Variants in NFIB observed in about 807,000 individuals in gnomAD.
The protein encoded by NFIB is nuclear factor I B.
Under a neutral mutation model 61.5 loss-of-function variants are expected in NFIB, and 11 were observed. The observed-to-expected ratio is 0.18, with a 90% CI of 0.11 to 0.30. NFIB has a LOEUF of 0.30. Ranked by LOEUF, NFIB falls within the 10% of genes least tolerant of loss-of-function variation. NFIB has a pLI of 1.00. For missense variants in NFIB, 471 were observed against 608.9 expected (o/e 0.77, Z 2.38); for synonymous variants, 260 against 216.5 (o/e 1.20, Z -1.76).
chr9:14,469,908 A>G, the NFIB span, among the ~76,000 whole-genome samples: 8 of 152,224 alleles, frequency 5.3e-5, no homozygotes, highest in Admixed American at 3.3e-4. Flanking sequence ...GAAAATTTCA[A>G]GTCCAATTTT....
chr9:14,352,987 G>A (rs551428913), intron 1 of NFIB, among the ~76,000 whole-genome samples: 1 of 152,294 alleles, frequency 6.6e-6, no homozygotes, highest in African/African-American at 2.4e-5. Context: ...TTTGGAATCA[G>A]GAGACTTTGG....
intron 1 of NFIB, among the ~76,000 whole-genome samples, chr9:14,338,984 G>GA (rs1182314551): frequency 1.3e-5 from 2 of 152,038 alleles, no homozygotes; most frequent in Non-Finnish European, 2.9e-5. Context: ...TTGGGGACAG[G>GA]AAAAATCAAA....
chr9:14,207,083 A>G (rs765291896), intron 2 of NFIB, among the ~76,000 whole-genome samples: 13 of 152,200 alleles, frequency 8.5e-5, no homozygotes, highest in Admixed American at 2.6e-4. Context: ...TACTGTTCTC[A>G]ATATTACGGT....
At chr9:14,217,817 C>T (rs997742175) in intron 2 of NFIB, among the ~76,000 whole-genome samples, 1 of 151,990 alleles carries the variant, frequency 6.6e-6, no homozygotes, top group African/African-American at 2.4e-5. Context: ...TTATTTTATA[C>T]TTTGTTTCTT....
the NFIB span, among the ~76,000 whole-genome samples, chr9:14,404,005 TC>T: frequency 6.6e-6 from 1 of 152,248 alleles, no homozygotes; most frequent in African/African-American, 2.4e-5. Context: ...TTTCAGTATA[TC>T]CTTCTGAAAG....
rs1176610198 is a variant in NFIB at position 14,082,005 on chromosome 9, C to T, written c.*6304G>A. 2 of 211,086 alleles carry T rather than the reference C, an allele frequency of 9.5e-6. No homozygotes were observed. The highest frequency in any genetic ancestry group is 1.9e-5 in the Non-Finnish European group (2 of 103,776). The allele number at this position is 211,086 out of a possible 1,614,324, so 13.1% of individuals were successfully genotyped here. A position where few individuals can be genotyped will look rare whatever the true frequency, so the allele number is the denominator to read the frequency against. On this transcript the variant is annotated 3_prime_UTR_variant, in exon 11 of 11. Transcript: ENST00000380953. ...AAGCTTGATTTACACCAGTTTAAAA[C>T]TTGTGGCAATTGAGTTCATTTGCAA...
At chr9:14,143,150 T>A (rs1474553392) in intron 6 of NFIB, among the ~76,000 whole-genome samples, 1 of 151,956 alleles carries the variant, frequency 6.6e-6, no homozygotes, top group Non-Finnish European at 1.5e-5. Context: ...ATTACAATTC[T>A]CTTATAATCA....
At chr9:14,216,360 A>C (rs2050857975) in intron 2 of NFIB, among the ~76,000 whole-genome samples, 1 of 152,154 alleles carries the variant, frequency 6.6e-6, no homozygotes, top group South Asian at 2.1e-4. Context: ...TTTACTGGCC[A>C]CTATTAAGTC....
chr9:14,142,216 G>A (rs917087123), intron 6 of NFIB, among the ~76,000 whole-genome samples: 1 of 152,180 alleles, frequency 6.6e-6, no homozygotes, highest in African/African-American at 2.4e-5. Flanking sequence ...AACCTGGTGG[G>A]AGGAGACTGA....
intron 3 of NFIB, among the ~76,000 whole-genome samples, chr9:14,167,922 T>C (rs1434714706): frequency 6.6e-6 from 1 of 152,198 alleles, no homozygotes; most frequent in Non-Finnish European, 1.5e-5. Flanking sequence ...AGAGAAACTC[T>C]ATCCACCTGA....
At chr9:14,467,751 G>A in the NFIB span, among the ~76,000 whole-genome samples, 1 of 152,114 alleles carries the variant, frequency 6.6e-6, no homozygotes. Flanking sequence ...GATACATTAG[G>A]AAAGAAAACT....
chr9:14,482,802 A>T, the NFIB span, among the ~76,000 whole-genome samples: 17 of 152,198 alleles, frequency 1.1e-4, no homozygotes, highest in Non-Finnish European at 2.1e-4. Flanking sequence ...CTCTCTAATA[A>T]TGCCTCAGTT....
At chr9:14,255,790 T>G (rs1470095985) in intron 2 of NFIB, among the ~76,000 whole-genome samples, 1 of 152,266 alleles carries the variant, frequency 6.6e-6, no homozygotes, top group East Asian at 1.9e-4. Flanking sequence ...AGCACTCAAC[T>G]GACTGTGAGA....
At chr9:14,240,258 CCTCT>C (rs1043697680) in intron 2 of NFIB, among the ~76,000 whole-genome samples, 1 of 151,764 alleles carries the variant, frequency 6.6e-6, no homozygotes, top group East Asian at 1.9e-4. Context: ...TCCCTCTCTC[CCTCT>C]CTCTTTCTCT....
the NFIB span, among the ~76,000 whole-genome samples, chr9:14,496,420 G>C: frequency 6.6e-6 from 1 of 152,164 alleles, no homozygotes; most frequent in South Asian, 2.1e-4. Flanking sequence ...CCATGTTGGT[G>C]CTTGAAAATT....
At chr9:14,160,943 T>G (rs2044126449) in intron 3 of NFIB, among the ~76,000 whole-genome samples, 1 of 151,968 alleles carries the variant, frequency 6.6e-6, no homozygotes, top group African/African-American at 2.4e-5. Flanking sequence ...TTTTCTGGCA[T>G]TGTTCATTTG....
At chr9:14,299,835 A>G (rs1253821855) in intron 2 of NFIB, among the ~76,000 whole-genome samples, 1 of 152,160 alleles carries the variant, frequency 6.6e-6, no homozygotes, top group African/African-American at 2.4e-5. Flanking sequence ...CTGCTTTCCC[A>G]TTTTAGAACA....
At chr9:14,317,727 TG>T (rs1312782276), upstream of NFIB, among the ~76,000 whole-genome samples, 2 of 152,208 alleles carry the variant, frequency 1.3e-5, no homozygotes, top group Admixed American at 1.3e-4. Context: ...AGGCCTTCCC[TG>T]GAAGAACTCT....
intron 2 of NFIB, among the ~76,000 whole-genome samples, chr9:14,187,306 G>C (rs781032231): frequency 6.6e-6 from 1 of 152,014 alleles, no homozygotes; most frequent in Non-Finnish European, 1.5e-5. Flanking sequence ...TGAGCAATAA[G>C]AGAAATTAGA....
Sources: allele counts gnomAD v4.1 joint callset (sites outside exome capture counted in the v4.1 genomes callset), GRCh38; gene constraint gnomAD v4.1.1; transcripts MANE v1.5; gene names NCBI Gene and HGNC (gene_info 2026-07-23, HGNC 2026-07-21).